RB1: variants seen among roughly 807,000 people sequenced by gnomAD.
RB1 encodes RB transcriptional corepressor 1.
In RB1, 18 loss-of-function variants were observed where a neutral mutation model predicts 135.4. The ratio of observed to expected loss-of-function variants is 0.13; its 90% CI spans 0.09 to 0.20. The LOEUF (loss-of-function observed/expected upper bound fraction) is 0.20, where lower values mean the gene tolerates loss of function less well. Ranked by LOEUF, RB1 falls within the 10% of genes least tolerant of loss-of-function variation. RB1 has a pLI of 1.00. For synonymous variants in RB1, 365 were observed against 373.2 expected (o/e 0.98, Z 0.25); for missense variants, 868 against 1,110.0 (o/e 0.78, Z 3.10).
chr13:48,411,228 A>C, intron 17 of RB1: 1 of 632,192 alleles, frequency 1.6e-6, no homozygotes, highest in Admixed American at 2.6e-5. Flanking sequence ...ATACATGTTA[A>C]TGCTTAACAC....
At chr13:48,449,025 G>A (rs1949308780) in intron 17 of RB1, among the ~76,000 whole-genome samples, 1 of 152,108 alleles carries the variant, frequency 6.6e-6, no homozygotes, top group African/African-American at 2.4e-5. Context: ...ATTAAGAGCA[G>A]GATAAATAAG....
At chr13:48,416,699 C>G (rs374027431) in intron 17 of RB1, 2 of 152,378 alleles carry the variant, frequency 1.3e-5, no homozygotes, top group African/African-American at 4.8e-5. Context: ...GAAACTCTTA[C>G]TGCCAGCACA....
chr13:48,350,562 A>C (rs1952538822), intron 6 of RB1, among the ~76,000 whole-genome samples: 1 of 152,200 alleles, frequency 6.6e-6, no homozygotes, highest in Non-Finnish European at 1.5e-5. Flanking sequence ...TACATCCCAA[A>C]AGAGGAAAAC....
chr13:48,314,098 G>T (rs929925427), intron 2 of RB1, among the ~76,000 whole-genome samples: 4 of 152,118 alleles, frequency 2.6e-5, no homozygotes, highest in Admixed American at 2.6e-4. Context: ...ATGTTTTATA[G>T]CTTTGTAGTA....
At chr13:48,368,954 T>C (rs1952731807) in intron 11 of RB1, among the ~76,000 whole-genome samples, 1 of 151,922 alleles carries the variant, frequency 6.6e-6, no homozygotes, top group Non-Finnish European at 1.5e-5. Flanking sequence ...TGCAGAGAGC[T>C]GAGATCGTGC....
Position 48,465,187 on chromosome 13 carries a change from T to A in RB1, c.2326-18T>A, listed in dbSNP as rs2138345396. Reference sequence around the variant, plus strand: ...CAAAACATTAAATAAATAATCTACTTTTTTGTTTTTGCTCTAGCCCCCTAC... The same window carrying A: ...CAAAACATTAAATAAATAATCTACTATTTTGTTTTTGCTCTAGCCCCCTAC... On this transcript the variant is annotated intron_variant, in intron 22 of 26. Transcript: ENST00000267163. 6.2e-7 allele frequency: 1 copy of A among 1,613,938 alleles called. No homozygotes were observed. Among genetic ancestry groups the A allele is most frequent in the South Asian group, 1.1e-5 (1 of 91,074 alleles).
At chr13:48,358,236 T>A (rs1210419010) in intron 6 of RB1, among the ~76,000 whole-genome samples, 2 of 152,128 alleles carry the variant, frequency 1.3e-5, no homozygotes, top group African/African-American at 4.8e-5. Context: ...TCTGTCTGAT[T>A]TTTTTCCCCT....
chr13:48,407,308 A>G (rs1426064102), intron 17 of RB1, among the ~76,000 whole-genome samples: 2 of 152,172 alleles, frequency 1.3e-5, no homozygotes, highest in East Asian at 3.8e-4. Flanking sequence ...TGAAAGAGGT[A>G]ATTTTCTACC....
At chr13:48,330,822 C>T (rs1952327690) in intron 2 of RB1, among the ~76,000 whole-genome samples, 2 of 152,122 alleles carry the variant, frequency 1.3e-5, no homozygotes, top group Admixed American at 6.5e-5. Flanking sequence ...TACCTTGATA[C>T]CAAAGTCAGG....
chr13:48,315,783 C>G (rs1952176651), intron 2 of RB1, among the ~76,000 whole-genome samples: 1 of 151,854 alleles, frequency 6.6e-6, no homozygotes. Context: ...CATACTTTTG[C>G]AGTTGTGAAT....
intron 17 of RB1, among the ~76,000 whole-genome samples, chr13:48,409,913 A>T (rs1256134224): frequency 6.6e-6 from 1 of 152,114 alleles, no homozygotes; most frequent in African/African-American, 2.4e-5. Context: ...GTTGGATAAT[A>T]AAAAAGTTTT....
chr13:48,345,649 C>T (rs1442910377), intron 4 of RB1, among the ~76,000 whole-genome samples: 1 of 152,048 alleles, frequency 6.6e-6, no homozygotes, highest in African/African-American at 2.4e-5. Flanking sequence ...CATTACAGTT[C>T]GAGTAGGAGC....
At chr13:48,338,565 T>C (rs1186789877) in intron 2 of RB1, among the ~76,000 whole-genome samples, 5 of 152,226 alleles carry the variant, frequency 3.3e-5, no homozygotes, top group Admixed American at 6.5e-5. Context: ...CTGGTTATTC[T>C]AGTTGGCCAG....
chr13:48,366,747 A>G (rs536791856), intron 9 of RB1, among the ~76,000 whole-genome samples: 1 of 152,340 alleles, frequency 6.6e-6, no homozygotes, highest in Non-Finnish European at 1.5e-5. Context: ...CAAAGGGTTT[A>G]GAAAACATTG....
At chr13:48,403,625 T>C (rs575959880) in intron 17 of RB1, among the ~76,000 whole-genome samples, 5 of 152,214 alleles carry the variant, frequency 3.3e-5, no homozygotes, top group Admixed American at 3.3e-4. Flanking sequence ...TTGGCAATGG[T>C]CCTCAAACTT....
chr13:48,480,331 C>T lies in RB1; in HGVS notation c.*260C>T. 3 of 522,494 alleles carry T rather than the reference C, an allele frequency of 5.7e-6. No individual in the cohort carries two copies. 32.4% of individuals were successfully genotyped at this position (522,494 alleles called of 1,614,324 possible). ...AGTTGTAGCAGATTGTTTCCTCTTC[C>T]AAAGTAAAATTGCTGTGCTTTATGG... On this transcript the variant is annotated 3_prime_UTR_variant, in exon 27 of 27. Coordinates refer to ENST00000267163, the MANE Select transcript of RB1 (RefSeq NM_000321.3).
At chr13:48,447,938 A>G (rs535076350) in intron 17 of RB1, among the ~76,000 whole-genome samples, 5 of 152,334 alleles carry the variant, frequency 3.3e-5, no homozygotes, top group Non-Finnish European at 5.9e-5. Context: ...CTGAAGCACA[A>G]CTAGATTTTA....
Position 48,342,633 on chromosome 13 carries a change from G to T in RB1, c.299G>T (p.Gly100Val), listed in dbSNP as rs886050268. ...ATTCAAAAGAAAAAGGAACTGTGGG[G>T]AATCTGTATCTTTATTGCAGCAGTT... Reference protein sequence around the residue: ...GYIQKKKELWGICIFIAAVDL... With the variant: ...GYIQKKKELWVICIFIAAVDL... The change falls in exon 3 of 27, where the codon GGA becomes GTA. Residue 100 changes from glycine to valine, a missense_variant. This residue lies in a region of RB1 where 641 missense variants were observed against 791.3 expected (regional missense o/e 0.81). Coordinates refer to ENST00000267163, the MANE Select transcript of RB1 (RefSeq NM_000321.3). 2 of 1,611,994 alleles carry T rather than the reference G, an allele frequency of 1.2e-6. No homozygotes were observed. The highest frequency in any genetic ancestry group is 2.2e-5 in the East Asian group (1 of 44,776).
intron 17 of RB1, among the ~76,000 whole-genome samples, chr13:48,416,913 C>A (rs1401239775): frequency 6.6e-6 from 1 of 152,184 alleles, no homozygotes; most frequent in Non-Finnish European, 1.5e-5. Context: ...GGCAGCAGCC[C>A]CAGTCAGGGG....
Sources: allele counts gnomAD v4.1 joint callset (sites outside exome capture counted in the v4.1 genomes callset), GRCh38; gene constraint gnomAD v4.1.1; regional missense constraint gnomAD v4.1.1; transcripts MANE v1.5; gene names NCBI Gene and HGNC (gene_info 2026-07-23, HGNC 2026-07-21).